Variants in AHNAK observed in about 807,000 individuals in gnomAD.
AHNAK encodes the protein AHNAK nucleoprotein, also known as neuroblast differentiation-associated protein AHNAK.
AHNAK carries 23 observed loss-of-function variants against 37.8 expected under a neutral mutation model. The observed-to-expected ratio is 0.61, with a 90% confidence interval of 0.44 to 0.86. AHNAK has a LOEUF of 0.86. Among genes scored for constraint, AHNAK ranks in the 40% least tolerant of loss-of-function variants. The pLI is 0.00. For missense variants in AHNAK, 7,411 were observed against 7,319.4 expected, an observed-to-expected ratio of 1.01 and a Z score of -0.46; for synonymous variants, 2,481 against 2,636.3, an observed-to-expected ratio of 0.94 and a Z score of 1.80.
At chr11:62,442,567 A>G (rs1203355748) in intron 5 of AHNAK, among the ~76,000 whole-genome samples, 2 of 151,474 alleles carry the variant, frequency 1.3e-5, no homozygotes, top group African/African-American at 4.9e-5. Flanking sequence ...TAATCAATAA[A>G]TCTATTTAGA....
chr11:62,532,150 T>G lies in AHNAK; in HGVS notation c.2267A>C (p.Lys756Thr). ...TGCTTTGAACCCTGGCACACTGAAT[T>G]TGGGCATTTTCATCTTGGGCATCTT... The part of the protein sequence containing the change: ...HLKMPKMKMP[K>T]FSVPGFKAEG... Residue 756 changes from lysine (K) to threonine (T), a missense_variant, in exon 5 of 5, where the codon AAA becomes ACA. Lys to Thr is a moderately conservative substitution (Grantham distance 78). Coordinates refer to ENST00000378024, the MANE Select transcript of AHNAK (RefSeq NM_001620.3). 6.2e-7 allele frequency: 1 copy of G among 1,613,884 alleles called. No homozygotes were observed. Among genetic ancestry groups the G allele is most frequent in the Non-Finnish European group, 8.5e-7 (1 of 1,179,976 alleles).
chr11:62,439,730 C>A (rs567541152), intron 5 of AHNAK, among the ~76,000 whole-genome samples: 1 of 140,856 alleles, frequency 7.1e-6, no homozygotes, highest in Non-Finnish European at 1.5e-5. Context: ...TGTAGTGGCG[C>A]GATCTCAGCT....
intron 5 of AHNAK, among the ~76,000 whole-genome samples, chr11:62,448,920 T>C (rs1938475279): frequency 6.6e-6 from 1 of 151,746 alleles, no homozygotes; most frequent in Admixed American, 6.6e-5. Flanking sequence ...ATACAAAAAT[T>C]AGCCAGGCGT....
intron 5 of AHNAK, among the ~76,000 whole-genome samples, chr11:62,478,819 C>T (rs968563067): frequency 1.3e-5 from 2 of 149,332 alleles, no homozygotes; most frequent in African/African-American, 2.5e-5. Context: ...ACCATTAATA[C>T]ACCATTAAAA....
chr11:62,487,239 G>A (rs997327979), intron 5 of AHNAK, among the ~76,000 whole-genome samples: 4 of 152,212 alleles, frequency 2.6e-5, no homozygotes, highest in South Asian at 2.1e-4. Context: ...GCAATAGTTC[G>A]CTTTATCTTC....
At chr11:62,463,290 G>T (rs537108068) in intron 5 of AHNAK, among the ~76,000 whole-genome samples, 3 of 152,162 alleles carry the variant, frequency 2.0e-5, no homozygotes, top group East Asian at 1.9e-4. Context: ...TGGCAGTTTG[G>T]CTCTTTGCAG....
intron 1 of AHNAK, among the ~76,000 whole-genome samples, chr11:62,545,041 CAG>C (rs1294558840): frequency 6.6e-6 from 1 of 152,206 alleles, no homozygotes; most frequent in African/African-American, 2.4e-5. Context: ...GCTGGAGACA[CAG>C]AGGTAGATAT....
chr11:62,436,453 A>G (rs928533926), intron 5 of AHNAK, among the ~76,000 whole-genome samples: 1 of 152,150 alleles, frequency 6.6e-6, no homozygotes, highest in African/African-American at 2.4e-5. Flanking sequence ...CAGACAAGCT[A>G]TTGTCCCTCT....
At chr11:62,493,627 C>T (rs1350559206) in intron 4 of AHNAK, among the ~76,000 whole-genome samples, 1 of 150,006 alleles carries the variant, frequency 6.7e-6, no homozygotes, top group Non-Finnish European at 1.5e-5. Context: ...AGCCACCGTG[C>T]CCAGCCTTTT....
chr11:62,445,015 C>G (rs2134788686), intron 5 of AHNAK, among the ~76,000 whole-genome samples: 1 of 152,326 alleles, frequency 6.6e-6, no homozygotes, highest in South Asian at 2.1e-4. Flanking sequence ...TGGAGCCCTC[C>G]TTCGGTCACA....
chr11:62,475,929 T>C (rs1209319142), intron 5 of AHNAK, among the ~76,000 whole-genome samples: 2 of 152,204 alleles, frequency 1.3e-5, no homozygotes, highest in African/African-American at 4.8e-5. Context: ...GGCGCATTTC[T>C]CGCCTTAAGT....
At chr11:62,473,388 T>TAA (rs34585695) in intron 5 of AHNAK, among the ~76,000 whole-genome samples, 4 of 31,852 alleles carry the variant, frequency 1.3e-4, no homozygotes, top group East Asian at 1.0e-3. Context: ...AGACTCCATC[T>TAA]AAAAAAAAAA....
In AHNAK at chr11:62,532,480, G is replaced by C. The variant is rs1435742334; in HGVS notation, c.1937C>G (p.Pro646Arg). ...TTTGGGTAGAGTCATATGAACATCT[G>C]GACCTTCCCCTTTGGCTCCTGGAGT... is the stretch of plus-strand genomic sequence containing the variant. ...FSTPGAKGEG[P>R]DVHMTLPKGD... Residue 646 changes from proline (P) to arginine (R), a missense_variant, in exon 5 of 5, where the codon CCA (proline) becomes CGA (arginine). By Grantham distance (103) the Pro-to-Arg change is moderately radical. Coordinates refer to ENST00000378024, the MANE Select transcript of AHNAK (RefSeq NM_001620.3). 11 of 1,613,748 alleles carry C rather than the reference G, an allele frequency of 6.8e-6. No individual in the cohort carries two copies. The Admixed American group carries it at 1.8e-4, about 27-fold the overall frequency.
rs774207630 is a variant in AHNAK at position 62,520,771 on chromosome 11, T to C, written c.13646A>G (p.Lys4549Arg). 1 of 1,614,076 alleles carries C rather than the reference T, an allele frequency of 6.2e-7. No individual in the cohort carries two copies. The highest frequency in any genetic ancestry group is 2.2e-5 in the East Asian group (1 of 44,882). The change falls in exon 5 of 5, where the codon AAA (lysine) becomes AGA (arginine). Residue 4549 changes from lysine (K) to arginine (R), a missense_variant. Coordinates refer to ENST00000378024, the MANE Select transcript of AHNAK (RefSeq NM_001620.3). The stretch of plus-strand genomic sequence containing the variant: ...GCCTTTGACATCCACTTTGGGACCT[T>C]TCAGATCTCCCTCCAGTTTAGGAAC... ...ISVPKLEGDL[K>R]GPKVDVKGPK...
Position 62,524,038 on chromosome 11 carries a change from G to A in AHNAK, c.10379C>T (p.Ala3460Val), listed in dbSNP as rs772730182. The change falls in exon 5 of 5, where the codon GCA (alanine) becomes GTA (valine). Residue 3460 changes from alanine to valine, a missense_variant. Ala to Val is a moderately conservative substitution (Grantham distance 64). Transcript: ENST00000378024. ...TGGACCATGAACATCCACATCAGGT[G>A]CATTAAGATTGACTTCTGGTGCCTT... ...DIKAPEVNLN[A>V]PDVDVHGPDW... The A allele has an allele frequency of 2.2e-5, 35 of 1,613,934 alleles. No individual in the cohort carries two copies. The East Asian group carries it at 6.0e-4, about 28-fold the overall frequency.
Position 62,532,686 on chromosome 11 carries a change from A to T in AHNAK, c.1731T>A (p.Asn577Lys). ...CRISMSEVDL[N>K]VAAPKVKGGV... ...CCCCTTTCACTTTAGGTGCGGCCACATTTAAGTCTACTTCTGACATAGAGA... is the reference window on the plus strand; with the variant it reads ...CCCCTTTCACTTTAGGTGCGGCCACTTTTAAGTCTACTTCTGACATAGAGA... Residue 577 changes from asparagine (N) to lysine (K), a missense_variant, in exon 5 of 5, where the codon AAT becomes AAA. Asn to Lys is a moderately conservative substitution (Grantham distance 94). Transcript: ENST00000378024. The T allele has an allele frequency of 6.2e-7, 1 of 1,613,930 alleles. No individual in the cohort carries two copies. The highest frequency in any genetic ancestry group is 8.5e-7 in the Non-Finnish European group (1 of 1,179,962).
exon 5 of AHNAK, chr11:62,491,767 T>A (rs1939508264): frequency 1.2e-6 from 2 of 1,612,906 alleles, no homozygotes. Context: ...TGCCCCGGCT[T>A]GGCTGCTGGC....
chr11:62,476,710 T>C (rs1410214612), intron 5 of AHNAK, among the ~76,000 whole-genome samples: 2 of 152,160 alleles, frequency 1.3e-5, no homozygotes, highest in East Asian at 3.8e-4. Flanking sequence ...CTCGATCAGA[T>C]TGTGACGTGA....
chr11:62,454,282 G>T (rs1241335246), intron 5 of AHNAK, among the ~76,000 whole-genome samples: 116 of 145,090 alleles, frequency 8.0e-4, no homozygotes, highest in African/African-American at 2.7e-3. Flanking sequence ...GCGTGGTGGC[G>T]GGCGCCTGTA....
Sources: gnomAD v4.1 joint callset for allele counts (sites outside exome capture counted in the v4.1 genomes callset) on GRCh38, gnomAD v4.1.1 for gene constraint, MANE v1.5 for transcripts, NCBI Gene and HGNC (gene_info 2026-07-23, HGNC 2026-07-21) for gene names.